Variants in ITPKB observed in about 807,000 individuals in gnomAD.
The protein encoded by ITPKB is inositol-trisphosphate 3-kinase B.
A neutral mutation model predicts 69.4 loss-of-function variants in ITPKB; 13 were observed. The ratio of observed to expected loss-of-function variants is 0.19; its 90% confidence interval spans 0.12 to 0.30. The LOEUF (loss-of-function observed/expected upper bound fraction) is 0.30, where lower values mean the gene tolerates loss of function less well. Ranked by LOEUF, ITPKB falls within the 10% of genes least tolerant of loss-of-function variation. ITPKB has a pLI of 1.00. For synonymous variants in ITPKB, 584 were observed against 513.7 expected (o/e 1.14, Z -1.85); for missense variants, 1,240 against 1,250.5 (o/e 0.99, Z 0.13).
chr1:226,653,648 G>C (rs1419798697), intron 2 of ITPKB, among the ~76,000 whole-genome samples: 1 of 152,252 alleles, frequency 6.6e-6, no homozygotes, highest in Non-Finnish European at 1.5e-5. Flanking sequence ...TGTTCTTGAG[G>C]ACACTTCGGT....
intron 2 of ITPKB, among the ~76,000 whole-genome samples, chr1:226,659,944 T>C (rs996608349): frequency 2.6e-5 from 4 of 152,196 alleles, no homozygotes; most frequent in Non-Finnish European, 4.4e-5. Flanking sequence ...GGCCCAGGCC[T>C]GGAAGATAAA....
chr1:226,660,351 C>A (rs1669378382), intron 2 of ITPKB, among the ~76,000 whole-genome samples: 1 of 152,234 alleles, frequency 6.6e-6, no homozygotes, highest in Non-Finnish European at 1.5e-5. Flanking sequence ...CCCTCATCCA[C>A]ACTCTATAGG....
chr1:226,728,619 C>T (rs1657492991), intron 2 of ITPKB, among the ~76,000 whole-genome samples: 2 of 152,204 alleles, frequency 1.3e-5, no homozygotes. Context: ...TCATTCCTAT[C>T]GCTTTGAGTC....
chr1:226,720,759 T>TGGCCGGGCGC (rs1016610597), intron 2 of ITPKB, among the ~76,000 whole-genome samples: 1 of 152,172 alleles, frequency 6.6e-6, no homozygotes. Context: ...AAAGAAATAT[T>TGGCCGGGCGC]GGCCGGGCGC....
chr1:226,726,609 G>A lies in ITPKB; in HGVS notation c.1932+8918C>T, dbSNP rs1045688006. 3.9e-5 allele frequency among the ~76,000 whole-genome samples: 6 copies of A among 152,280 alleles called. No homozygotes were observed. In the East Asian group the frequency reaches 1.2e-3, roughly 29 times the overall value. On this transcript the variant is annotated intron_variant, in intron 2 of 7. Transcript: ENST00000429204. ...GAGGATCTCTTGAGCTGGAGAGATC[G>A]AGGCTGCAGTGAGCTGTGATCACAC...
At chr1:226,697,829 GC>G (rs1324443581) in intron 2 of ITPKB, among the ~76,000 whole-genome samples, 1 of 152,294 alleles carries the variant, frequency 6.6e-6, no homozygotes, top group East Asian at 1.9e-4. Context: ...CAGTTCTGTG[GC>G]CTGCCCTGGC....
chr1:226,667,819 G>A (rs532762461), intron 2 of ITPKB, among the ~76,000 whole-genome samples: 1 of 132,164 alleles, frequency 7.6e-6, no homozygotes, highest in African/African-American at 2.8e-5. Flanking sequence ...TTAAAAAGAT[G>A]AGGAAAATGT....
intron 2 of ITPKB, among the ~76,000 whole-genome samples, chr1:226,670,667 T>C (rs551165847): frequency 4.3e-4 from 65 of 152,162 alleles, no homozygotes; most frequent in Non-Finnish European, 6.3e-4. Flanking sequence ...TTTATAAGAG[T>C]AGTTGTACTA....
At chr1:226,651,766 C>T (rs1199244497) in intron 2 of ITPKB, among the ~76,000 whole-genome samples, 1 of 152,140 alleles carries the variant, frequency 6.6e-6, no homozygotes, top group Admixed American at 6.5e-5. Flanking sequence ...AGGCTAAAGA[C>T]CAGGGGTCTA....
At chr1:226,654,546 C>CA (rs1669252310) in intron 2 of ITPKB, among the ~76,000 whole-genome samples, 1 of 152,224 alleles carries the variant, frequency 6.6e-6, no homozygotes, top group African/African-American at 2.4e-5. Context: ...GCTCAACACA[C>CA]AGAGCCATAA....
At chr1:226,733,539 A>G (rs1421779073) in intron 2 of ITPKB, among the ~76,000 whole-genome samples, 1 of 151,958 alleles carries the variant, frequency 6.6e-6, no homozygotes, top group East Asian at 1.9e-4. Flanking sequence ...AGGATCCCAT[A>G]ATTTCCAGTT....
chr1:226,659,344 C>T (rs1220600431), intron 2 of ITPKB, among the ~76,000 whole-genome samples: 3 of 152,040 alleles, frequency 2.0e-5, no homozygotes, highest in Non-Finnish European at 4.4e-5. Flanking sequence ...ACCAAGGCTC[C>T]CTGACCACCC....
chr1:226,721,612 C>T (rs1657245886), intron 2 of ITPKB, among the ~76,000 whole-genome samples: 1 of 151,702 alleles, frequency 6.6e-6, no homozygotes, highest in Non-Finnish European at 1.5e-5. Flanking sequence ...TCTCCTGCCT[C>T]AGCCTCCCAA....
At chr1:226,711,934 A>G (rs958919803) in intron 2 of ITPKB, among the ~76,000 whole-genome samples, 1 of 152,072 alleles carries the variant, frequency 6.6e-6, no homozygotes, top group African/African-American at 2.4e-5. Flanking sequence ...TTGCCTGGAC[A>G]TTTTTATTCT....
intron 2 of ITPKB, among the ~76,000 whole-genome samples, chr1:226,704,327 T>C (rs934263774): frequency 6.6e-6 from 1 of 152,162 alleles, no homozygotes; most frequent in Non-Finnish European, 1.5e-5. Context: ...ACCAATAAAG[T>C]AATAACACTA....
At chr1:226,728,545 G>A (rs1230762459) in intron 2 of ITPKB, among the ~76,000 whole-genome samples, 2 of 152,198 alleles carry the variant, frequency 1.3e-5, no homozygotes, top group African/African-American at 4.8e-5. Context: ...CTTTGCAAAC[G>A]TGTCGTGGTT....
chr1:226,694,271 T>G (rs117463490), intron 2 of ITPKB, among the ~76,000 whole-genome samples: 1 of 152,224 alleles, frequency 6.6e-6, no homozygotes, highest in Admixed American at 6.5e-5. Flanking sequence ...AAAATCTGTG[T>G]CAAAGTATGG....
chr1:226,663,022 C>T (rs1278867163), intron 2 of ITPKB, among the ~76,000 whole-genome samples: 1 of 152,188 alleles, frequency 6.6e-6, no homozygotes, highest in Admixed American at 6.5e-5. Flanking sequence ...ACGTGCAGAC[C>T]TCTGGAAGCA....
intron 2 of ITPKB, among the ~76,000 whole-genome samples, chr1:226,654,904 A>AAGGAGGAAG (rs1179621836): frequency 6.6e-6 from 1 of 151,886 alleles, no homozygotes; most frequent in Non-Finnish European, 1.5e-5. Context: ...GAAGAGGAGG[A>AAGGAGGAAG]AGGAGGAAGA....
Sources: allele counts gnomAD v4.1 joint callset (sites outside exome capture counted in the v4.1 genomes callset), GRCh38; gene constraint gnomAD v4.1.1; transcripts MANE v1.5; gene names NCBI Gene and HGNC (gene_info 2026-07-23, HGNC 2026-07-21).